The following PRKG1 variants were observed in gnomAD, a reference collection of about 807,000 sequenced individuals.
PRKG1 encodes cGMP-dependent protein kinase 1.
In PRKG1, 35 loss-of-function variants were observed where a neutral mutation model predicts 88.1. That is an observed-to-expected ratio of 0.40 (90% CI 0.30 to 0.53). The LOEUF (loss-of-function observed/expected upper bound fraction) is 0.53. Ranked by LOEUF, PRKG1 falls within the 20% of genes least tolerant of loss-of-function variation. The probability of loss-of-function intolerance (pLI) is 0.59; values close to 1 mark genes in which losing one functional copy is unlikely to be tolerated. For synonymous variants in PRKG1, 303 were observed against 292.5 expected, an observed-to-expected ratio of 1.04 and a Z score of -0.37; for missense variants, 540 against 839.8, an observed-to-expected ratio of 0.64 and a Z score of 4.41.
intron 1 of PRKG1, among the ~76,000 whole-genome samples, chr10:50,997,603 C>T (rs1842849305): frequency 6.6e-6 from 1 of 152,108 alleles, no homozygotes; most frequent in South Asian, 2.1e-4. Context: ...TAATTATTTT[C>T]ATTTGCCATT....
At position 52,256,819 on chromosome 10, in the gene PRKG1, T is replaced by C. The variant is rs1032217893; in HGVS notation, c.1173+5153T>C. On this transcript the variant is annotated intron_variant, in intron 10 of 17. Coordinates refer to ENST00000373980, the MANE Select transcript of PRKG1 (RefSeq NM_006258.4). ...ACCTTCAGTGATAACCTCTATTAAA[T>C]TTCTCCAGACCACTAAGCTCTTAAC... is the stretch of plus-strand genomic sequence containing the variant. Among the ~76,000 whole-genome samples the C allele has an allele frequency of 7.9e-5, 11 of 139,460 alleles. 4 individuals are homozygous for C. In the Admixed American group the frequency reaches 8.2e-4, roughly 10 times the overall value. 91.5% of individuals were successfully genotyped at this position (139,460 alleles called of 152,430 possible).
chr10:51,129,601 A>G (rs1768368462), intron 1 of PRKG1, among the ~76,000 whole-genome samples: 2 of 152,232 alleles, frequency 1.3e-5, no homozygotes, highest in South Asian at 4.1e-4. Flanking sequence ...AGACAGTTAG[A>G]CACATCCCCA....
intron 1 of PRKG1, among the ~76,000 whole-genome samples, chr10:51,026,449 C>G (rs1483105252): frequency 6.6e-6 from 1 of 152,118 alleles, no homozygotes; most frequent in Non-Finnish European, 1.5e-5. Context: ...AGATTTTAAA[C>G]CACTCCCTTC....
At chr10:52,128,234 T>G in intron 7 of PRKG1, 2 of 985,454 alleles carry the variant, frequency 2.0e-6, no homozygotes, top group Non-Finnish European at 2.4e-6. Flanking sequence ...AGGCTGGCAC[T>G]GAGAGAGTGC....
chr10:51,628,980 CAAAAACAAAAACCAAA>C lies in PRKG1; in HGVS notation c.592+161149_592+161164del, dbSNP rs1839454107. Among the ~76,000 whole-genome samples, 103 of 115,986 alleles carry C rather than the reference CAAAAACAAAAACCAAA, an allele frequency of 8.9e-4. 1 individual carries two copies. The South Asian group carries it at 0.027, about 30-fold the overall frequency. 76.1% of individuals were successfully genotyped at this position (115,986 alleles called of 152,430 possible). On this transcript the variant is annotated intron_variant, in intron 3 of 17. Coordinates refer to ENST00000373980, the MANE Select transcript of PRKG1 (RefSeq NM_006258.4). ...GACTCCGTCTCAAAAAAAAAAAAAA[CAAAAACAAAAACCAAA>C]AAAACTGCAAGTTATGTTAGTGAGC...
chr10:52,219,534 G>A (rs1360495720), intron 9 of PRKG1, among the ~76,000 whole-genome samples: 2 of 152,076 alleles, frequency 1.3e-5, no homozygotes, highest in Admixed American at 1.3e-4. Flanking sequence ...CTACTAAACC[G>A]ACTGATTTTT....
intron 3 of PRKG1, 72 bp from the exon 4 acceptor site, chr10:51,804,513 G>T (rs532756521): frequency 7.8e-6 from 8 of 1,028,464 alleles, no homozygotes; most frequent in African/African-American, 1.6e-5. Flanking sequence ...CATCTCCTTT[G>T]CAGGATGTTG....
At chr10:51,847,330 G>A (rs549654879) in intron 4 of PRKG1, among the ~76,000 whole-genome samples, 10 of 152,220 alleles carry the variant, frequency 6.6e-5, no homozygotes, top group South Asian at 2.1e-4. Context: ...GCAAATATGC[G>A]TATAATCTCT....
At chr10:51,112,878 G>C (rs1264253756) in intron 1 of PRKG1, among the ~76,000 whole-genome samples, 1 of 152,156 alleles carries the variant, frequency 6.6e-6, no homozygotes, top group African/African-American at 2.4e-5. Context: ...ATAGTATATA[G>C]AAAGATGTTT....
At chr10:51,905,748 T>G (rs1180732705) in intron 4 of PRKG1, among the ~76,000 whole-genome samples, 2 of 152,178 alleles carry the variant, frequency 1.3e-5, no homozygotes, top group Admixed American at 6.6e-5. Flanking sequence ...CATTGTATTT[T>G]GATGTATTGG....
intron 2 of PRKG1, among the ~76,000 whole-genome samples, chr10:51,220,115 G>A (rs1019663750): frequency 6.6e-6 from 1 of 152,190 alleles, no homozygotes; most frequent in African/African-American, 2.4e-5. Context: ...CTGTTGCTTG[G>A]TTGAAGATTC....
intron 2 of PRKG1, among the ~76,000 whole-genome samples, chr10:51,284,890 G>T (rs2132210183): frequency 1.1e-4 from 8 of 74,698 alleles, no homozygotes; most frequent in Non-Finnish European, 2.0e-4. Flanking sequence ...TTTTTTTTAA[G>T]CTATTCTTTT....
rs567744026 is a variant in PRKG1 at position 51,428,866 on chromosome 10, G to T, written c.479-38857G>T. The stretch of plus-strand genomic sequence containing the variant: ...TGGTCCTGGTTGGGACAAACAAAAG[G>T]ACAGTAGATTCACCAAAAATTAAAC... On this transcript the variant is annotated intron_variant, in intron 2 of 17. Coordinates refer to ENST00000373980, the MANE Select transcript of PRKG1 (RefSeq NM_006258.4). 3.9e-5 allele frequency among the ~76,000 whole-genome samples: 6 copies of T among 152,276 alleles called. No individual in the cohort carries two copies. In the South Asian group the frequency reaches 1.2e-3, roughly 32 times the overall value.
Position 51,799,518 on chromosome 10 carries a change from G to A in PRKG1, c.593-5067G>A, listed in dbSNP as rs1937654. Among the ~76,000 whole-genome samples the A allele has an allele frequency of 8.2e-3, 1,247 of 151,874 alleles. 24 individuals carry two copies. Among genetic ancestry groups the A allele is most frequent in the African/African-American group, 0.028 (1,175 of 41,434 alleles). On this transcript the variant is annotated intron_variant, in intron 3 of 17. Coordinates refer to ENST00000373980, the MANE Select transcript of PRKG1 (RefSeq NM_006258.4). ...ACCTCAAAAATATCTAGCAATCCCC[G>A]TGGCATACTTGATTCTGGAGCAAGG...
At chr10:51,882,801 C>A (rs1038132636) in intron 4 of PRKG1, among the ~76,000 whole-genome samples, 15 of 152,312 alleles carry the variant, frequency 9.8e-5, no homozygotes, top group African/African-American at 3.1e-4. Flanking sequence ...CTGGTAGCTA[C>A]ACTACCAGTC....
chr10:51,133,611 C>T (rs1845622487), intron 1 of PRKG1, among the ~76,000 whole-genome samples: 1 of 152,218 alleles, frequency 6.6e-6, no homozygotes, highest in Admixed American at 6.5e-5. Context: ...TACTGCCTGA[C>T]TTTCTGGACA....
Position 52,294,887 on chromosome 10 carries a change from T to C in PRKG1, c.*987T>C, listed in dbSNP as rs1418874964. 13 of 152,564 alleles carry C rather than the reference T, an allele frequency of 8.5e-5. No homozygotes were observed. The allele number at this position is 152,564 out of a possible 1,614,324, so 9.5% of individuals were successfully genotyped here. On this transcript the variant is annotated 3_prime_UTR_variant, in exon 18 of 18. Coordinates refer to ENST00000373980, the MANE Select transcript of PRKG1 (RefSeq NM_006258.4). ...ATAGGTGCTATGTATATCTTTCATCTGTAAATGTCAGTGTCTGAACAGACA... is the reference window on the plus strand; with the variant it reads ...ATAGGTGCTATGTATATCTTTCATCCGTAAATGTCAGTGTCTGAACAGACA...
chr10:51,044,259 A>C (rs186026822), intron 1 of PRKG1, among the ~76,000 whole-genome samples: 193 of 152,280 alleles, frequency 1.3e-3, no homozygotes, highest in Non-Finnish European at 1.8e-3. Flanking sequence ...GTGTGGGTAG[A>C]TGAGCCTAAA....
chr10:51,715,917 A>T (rs1356796606), intron 3 of PRKG1, among the ~76,000 whole-genome samples: 1 of 152,196 alleles, frequency 6.6e-6, no homozygotes, highest in Non-Finnish European at 1.5e-5. Flanking sequence ...TTGTCATTAG[A>T]CGGGTGGGTC....
Sources: allele counts gnomAD v4.1 joint callset (sites outside exome capture counted in the v4.1 genomes callset), GRCh38; gene constraint gnomAD v4.1.1; transcripts MANE v1.5; gene names NCBI Gene and HGNC (gene_info 2026-07-23, HGNC 2026-07-21).